KIAA1755: variants seen among roughly 807,000 people sequenced by gnomAD.
KIAA1755 encodes uncharacterized protein KIAA1755.
In KIAA1755, 68 loss-of-function variants were observed where a neutral mutation model predicts 91.7. That is an observed-to-expected ratio of 0.74 (90% CI 0.61 to 0.91). The LOEUF (loss-of-function observed/expected upper bound fraction) is 0.91. Ranked by LOEUF, KIAA1755 falls within the 40% of genes least tolerant of loss-of-function variation. The pLI is 0.00. For synonymous variants in KIAA1755, 610 were observed against 604.6 expected, an observed-to-expected ratio of 1.01 and a Z score of -0.13; for missense variants, 1,535 against 1,494.4, an observed-to-expected ratio of 1.03 and a Z score of -0.45.
chr20:38,227,226 G>A lies in KIAA1755; in HGVS notation c.1980C>T (p.Ala660=), dbSNP rs751742761. ...CCAGGAAGAGAATAGCCCGGATAGA[G>A]GCTGGGACCTGAGCCTGTCAAAGAC... ...ALQATQAQVP[A]SIRAILFLGE... is the part of the protein sequence containing the mutation. Residue 660 remains alanine (A), a synonymous_variant, in exon 7 of 14, where the codon GCC becomes GCT. Coordinates refer to ENST00000279024, the MANE Select transcript of KIAA1755 (RefSeq NM_001029864.2). The A allele has an allele frequency of 6.2e-7, 1 of 1,613,852 alleles. No homozygotes were observed. Among genetic ancestry groups the A allele is most frequent in the Non-Finnish European group, 8.5e-7 (1 of 1,179,840 alleles).
chr20:38,217,957 C>G (rs1370734132), intron 12 of KIAA1755: 21 of 470,082 alleles, frequency 4.5e-5, no homozygotes, highest in Admixed American at 1.1e-4. Flanking sequence ...GCCCTCCAAC[C>G]CCCGGCTCTG....
intron 8 of KIAA1755, among the ~76,000 whole-genome samples, chr20:38,224,715 C>CTG (rs2075724540): frequency 6.6e-6 from 1 of 152,192 alleles, no homozygotes. Flanking sequence ...TTGAGCAACC[C>CTG]TGGTCTAGAG....
At chr20:38,221,837 A>G (rs2075664475) in intron 10 of KIAA1755, among the ~76,000 whole-genome samples, 1 of 152,112 alleles carries the variant, frequency 6.6e-6, no homozygotes, top group South Asian at 2.1e-4. Context: ...ACTTTTCCCC[A>G]CCCCCTAAAT....
At chr20:38,216,657 T>A (rs1262029259) in intron 13 of KIAA1755, among the ~76,000 whole-genome samples, 2 of 152,194 alleles carry the variant, frequency 1.3e-5, no homozygotes, top group African/African-American at 4.8e-5. Flanking sequence ...AGGTGGCAGC[T>A]CCTAAATCAA....
rs1164594554 is a variant in KIAA1755 at position 38,246,051 on chromosome 20, T to C, written c.79A>G (p.Thr27Ala). 6.2e-7 allele frequency: 1 copy of C among 1,613,996 alleles called. No homozygotes were observed. Among genetic ancestry groups the C allele is most frequent in the Admixed American group, 1.7e-5 (1 of 60,008 alleles). Reference sequence around the variant, plus strand: ...AGACGGAACACCTGACCCAGGACGGTGGGTGCTGTGGCCTCGAAAGGAGGA... The same window carrying C: ...AGACGGAACACCTGACCCAGGACGGCGGGTGCTGTGGCCTCGAAAGGAGGA... ...LYPPFEATAPTVLGQVFRLLD... is the reference protein window; with the variant it reads ...LYPPFEATAPAVLGQVFRLLD... Residue 27 changes from threonine (T) to alanine (A), a missense_variant, in exon 2 of 14, where the codon ACC becomes GCC. Transcript: ENST00000279024.
intron 3 of KIAA1755, 121 bp downstream of exon 3, chr20:38,240,461 A>G (rs2076035377): frequency 9.9e-7 from 1 of 1,012,508 alleles, no homozygotes; most frequent in Admixed American, 2.7e-5. Flanking sequence ...CACACTGTAT[A>G]CTAAACCCCT....
chr20:38,227,274 C>A, intron 6 of KIAA1755, 34 bp from the exon 7 acceptor site: 1 of 1,538,356 alleles, frequency 6.5e-7, no homozygotes, highest in Non-Finnish European at 9.0e-7. Flanking sequence ...GTTGCTCTGC[C>A]CAAGGCTTCA....
At chr20:38,227,057 T>C (rs2123126303) in intron 7 of KIAA1755, 97 bp downstream of exon 7, 1 of 844,662 alleles carries the variant, frequency 1.2e-6, no homozygotes, top group South Asian at 1.6e-5. Context: ...AGGCCTCTTC[T>C]AGCTCATGAA....
At chr20:38,240,542 C>T (rs775862880) in intron 3 of KIAA1755, 40 bp downstream of exon 3, 6 of 1,448,370 alleles carry the variant, frequency 4.1e-6, no homozygotes, top group Non-Finnish European at 5.5e-6. Flanking sequence ...CTCAACCAGA[C>T]AATAACCTCC....
rs768676447 is a variant in KIAA1755, at chr20:38,217,393, G to A, written c.2761C>T (p.Arg921Cys). The change falls in exon 13 of 14, where the codon CGT (arginine) becomes TGT (cysteine). Residue 921 changes from arginine to cysteine, a missense_variant. Coordinates refer to ENST00000279024, the MANE Select transcript of KIAA1755 (RefSeq NM_001029864.2). ...ATARGAGEAE[R>C]AEFPELAAFA... ...GCTGCCAGCTCTGGGAACTCTGCAC[G>A]TTCTGCCTCCCCAGCCCCTCTGGCT... 3.0e-5 allele frequency: 49 copies of A among 1,613,256 alleles called. No individual in the cohort carries two copies. The East Asian group carries it at 3.1e-4, about 10-fold the overall frequency.
intron 10 of KIAA1755, 102 bp from the exon 11 acceptor site, chr20:38,219,870 C>A (rs927417964): frequency 2.0e-6 from 3 of 1,469,764 alleles, no homozygotes; most frequent in Admixed American, 4.0e-5. Flanking sequence ...TGGCCCCAGC[C>A]TGGGTTTCCA....
At position 38,241,190 on chromosome 20, in the gene KIAA1755, G is replaced by A. The variant is rs2076055807; in HGVS notation, c.941C>T (p.Thr314Ile). 6.2e-7 allele frequency: 1 copy of A among 1,614,164 alleles called. No individual in the cohort carries two copies. Among genetic ancestry groups the A allele is most frequent in the Non-Finnish European group, 8.5e-7 (1 of 1,180,032 alleles). The part of the protein sequence containing the change: ...ALEEIAGTKE[T>I]PLFQKILPLS... The stretch of plus-strand genomic sequence containing the variant: ...AGGCAGTATCTTTTGAAATAAGGGA[G>A]TTTCCTTAGTTCCAGCTATCTCCTC... Residue 314 changes from threonine to isoleucine, a missense_variant, in exon 3 of 14, where the codon ACT becomes ATT. Coordinates refer to ENST00000279024, the MANE Select transcript of KIAA1755 (RefSeq NM_001029864.2).
At chr20:38,213,999 T>G (rs2075501182) in intron 13 of KIAA1755, among the ~76,000 whole-genome samples, 1 of 150,902 alleles carries the variant, frequency 6.6e-6, no homozygotes, top group African/African-American at 2.4e-5. Flanking sequence ...TCACCCAGGC[T>G]AGAGTGCAGT....
At chr20:38,222,933 A>C in intron 9 of KIAA1755, 6 of 364,318 alleles carry the variant, frequency 1.6e-5, no homozygotes, top group East Asian at 6.8e-5. Flanking sequence ...CTGGTTTAAA[A>C]CTCTCCAGTG....
At chr20:38,244,465 C>G (rs1409785822) in intron 2 of KIAA1755, among the ~76,000 whole-genome samples, 1 of 152,194 alleles carries the variant, frequency 6.6e-6, no homozygotes, top group Non-Finnish European at 1.5e-5. Flanking sequence ...CGCACACAGT[C>G]CCCACCCTTC....
At chr20:38,229,556 G>A (rs903667722) in intron 5 of KIAA1755, among the ~76,000 whole-genome samples, 2 of 152,162 alleles carry the variant, frequency 1.3e-5, no homozygotes, top group Non-Finnish European at 2.9e-5. Context: ...GGCCCGGTGT[G>A]AGGTGCCTCT....
intron 8 of KIAA1755, among the ~76,000 whole-genome samples, chr20:38,225,058 A>T (rs535275522): frequency 1.1e-3 from 166 of 152,214 alleles, no homozygotes; most frequent in African/African-American, 3.9e-3. Context: ...CAGTGGTGTG[A>T]TCTTGGCTCA....
At chr20:38,246,223 G>T (rs1475719411) in intron 1 of KIAA1755, 97 bp from the exon 2 acceptor site, 3 of 1,006,542 alleles carry the variant, frequency 3.0e-6, no homozygotes, top group African/African-American at 1.6e-5. Flanking sequence ...TAAGGCCCCT[G>T]CTAATTCTCT....
In KIAA1755 at chr20:38,218,371, G is replaced by A. The variant is rs371548894; in HGVS notation, c.2557-5C>T. ...CTGCTCCATCCAGTCGCTGACCTGG[G>A]GCAGGAGAGGCAGATTTGGACATGA... On this transcript the variant is annotated splice_region_variant and splice_polypyrimidine_tract_variant and intron_variant, in intron 11 of 13. Coordinates refer to ENST00000279024, the MANE Select transcript of KIAA1755 (RefSeq NM_001029864.2). 1 of 1,613,972 alleles carries A rather than the reference G, an allele frequency of 6.2e-7. No individual in the cohort carries two copies. The highest frequency in any genetic ancestry group is 8.5e-7 in the Non-Finnish European group (1 of 1,179,982).
Sources: gnomAD v4.1 joint callset for allele counts (sites outside exome capture counted in the v4.1 genomes callset) on GRCh38, gnomAD v4.1.1 for gene constraint, MANE v1.5 for transcripts, NCBI Gene and HGNC (gene_info 2026-07-23, HGNC 2026-07-21) for gene names.